Variants in TENM2 observed in about 807,000 individuals in gnomAD.
The protein encoded by TENM2 is teneurin-2.
A neutral mutation model predicts 245.2 loss-of-function variants in TENM2; 52 were observed. That is an observed-to-expected ratio of 0.21 (90% CI 0.17 to 0.27). The LOEUF is 0.27. TENM2 is among the 10% of genes least tolerant of loss of function. TENM2 has a pLI of 1.00. For missense variants in TENM2, 3,046 were observed against 3,666.8 expected (o/e 0.83, Z 4.37); for synonymous variants, 1,363 against 1,438.9 (o/e 0.95, Z 1.19).
chr5:167,166,894 G>C, the TENM2 span, among the ~76,000 whole-genome samples: 1 of 152,082 alleles, frequency 6.6e-6, no homozygotes, highest in Non-Finnish European at 1.5e-5. Context: ...ACCTTGGGTG[G>C]TCCTCATAGC....
At chr5:167,641,913 T>A (rs1779637723) in intron 2 of TENM2, among the ~76,000 whole-genome samples, 1 of 151,902 alleles carries the variant, frequency 6.6e-6, no homozygotes, top group South Asian at 2.1e-4. Context: ...GATGCCGAGG[T>A]GGGCGAATCA....
At chr5:167,934,321 G>T (rs945342256) in intron 3 of TENM2, among the ~76,000 whole-genome samples, 4 of 152,134 alleles carry the variant, frequency 2.6e-5, no homozygotes, top group Non-Finnish European at 5.9e-5. Context: ...GTAACAGGGT[G>T]GAACAAATGC....
chr5:167,458,871 C>T (rs1003535381), intron 2 of TENM2, among the ~76,000 whole-genome samples: 18 of 152,180 alleles, frequency 1.2e-4, no homozygotes, highest in Non-Finnish European at 1.8e-4. Flanking sequence ...GAGCCAGGAT[C>T]CAAAAGCAGG....
Position 167,421,744 on chromosome 5 carries a change from T to C in TENM2, c.502+46271T>C, listed in dbSNP as rs544159108. 1.1e-4 allele frequency among the ~76,000 whole-genome samples: 17 copies of C among 152,282 alleles called. 1 individual carries two copies. The highest frequency in any genetic ancestry group is 4.1e-4 in the African/African-American group (17 of 41,560). On this transcript the variant is annotated intron_variant, in intron 2 of 28. Transcript: ENST00000518659. ...AGATTCTTGTGAATATAACATGAGC[T>C]AGTATATACAAAATTCCTTATCACA... is the stretch of plus-strand genomic sequence containing the variant.
chr5:167,866,541 C>T (rs528591993), intron 2 of TENM2, among the ~76,000 whole-genome samples: 18 of 151,336 alleles, frequency 1.2e-4, no homozygotes, highest in African/African-American at 3.6e-4. Context: ...AGAGAGAGCA[C>T]CTTCCATGCA....
intron 5 of TENM2, among the ~76,000 whole-genome samples, chr5:168,046,952 A>G (rs921671243): frequency 1.3e-5 from 2 of 152,234 alleles, no homozygotes; most frequent in African/African-American, 4.8e-5. Flanking sequence ...AGGTACCAGC[A>G]AACAGGTACT....
the TENM2 span, among the ~76,000 whole-genome samples, chr5:167,142,025 G>C: frequency 2.2e-4 from 34 of 152,136 alleles, no homozygotes; most frequent in Non-Finnish European, 3.4e-4. Context: ...AAACTCGGAG[G>C]GGGGGGATGA....
the TENM2 span, among the ~76,000 whole-genome samples, chr5:167,026,520 T>G: frequency 1.1e-4 from 17 of 152,322 alleles, no homozygotes; most frequent in South Asian, 3.5e-3. Context: ...CCTCTCACAC[T>G]TCTGTCTCTA....
chr5:167,550,697 TTA>T (rs1245048188), intron 2 of TENM2, among the ~76,000 whole-genome samples: 1 of 119,740 alleles, frequency 8.4e-6, no homozygotes, highest in East Asian at 2.6e-4. Context: ...TTTGTTGTTG[TTA>T]GTGTGTGTGT....
intron 2 of TENM2, among the ~76,000 whole-genome samples, chr5:167,585,049 G>A (rs1190479845): frequency 2.6e-5 from 4 of 152,110 alleles, no homozygotes; most frequent in Non-Finnish European, 4.4e-5. Context: ...ACAATGTATG[G>A]ATTAAAAGAA....
intron 2 of TENM2, among the ~76,000 whole-genome samples, chr5:167,470,814 A>G (rs989554750): frequency 6.6e-6 from 1 of 152,136 alleles, no homozygotes; most frequent in Non-Finnish European, 1.5e-5. Flanking sequence ...GGATCCTGCA[A>G]TAGCATCCAG....
chr5:167,635,633 CTTTTTTTTTTTTTTTT>C (rs76155764), intron 2 of TENM2, among the ~76,000 whole-genome samples: 2 of 74,940 alleles, frequency 2.7e-5, no homozygotes, highest in South Asian at 1.4e-3. Context: ...TCAGTACAGT[CTTTTTTTTTTTTTTTT>C]TTTTTTTTTT....
At chr5:167,486,916 C>T (rs1025034405) in intron 2 of TENM2, among the ~76,000 whole-genome samples, 1 of 151,998 alleles carries the variant, frequency 6.6e-6, no homozygotes, top group African/African-American at 2.4e-5. Flanking sequence ...ATCAAGTGAG[C>T]AATTATGTTT....
At chr5:167,453,570 T>G (rs1158826552) in intron 2 of TENM2, among the ~76,000 whole-genome samples, 1 of 152,176 alleles carries the variant, frequency 6.6e-6, no homozygotes, top group Non-Finnish European at 1.5e-5. Context: ...TTGACTCAGT[T>G]TCTTCATTTT....
chr5:167,258,857 A>T, the TENM2 span, among the ~76,000 whole-genome samples: 1 of 152,162 alleles, frequency 6.6e-6, no homozygotes, highest in Non-Finnish European at 1.5e-5. Context: ...ATAATGCTAC[A>T]GTTCACAATG....
chr5:168,166,206 C>T (rs952079391), intron 13 of TENM2, among the ~76,000 whole-genome samples: 4 of 151,982 alleles, frequency 2.6e-5, no homozygotes, highest in Non-Finnish European at 4.4e-5. Flanking sequence ...GAGAGGCACC[C>T]GGGCAGAACA....
chr5:168,030,169 T>TTTTTTTTTTTTTTC lies in TENM2; in HGVS notation c.1187-17245_1187-17244insCTTTTTTTTTTTTT, dbSNP rs1787002830. 1.1e-4 allele frequency among the ~76,000 whole-genome samples: 10 copies of TTTTTTTTTTTTTTC among 93,008 alleles called. No homozygotes were observed. The South Asian group carries it at 2.8e-3, about 26-fold the overall frequency. The allele number at this position is 93,008 out of a possible 152,430, so 61.0% of individuals were successfully genotyped here. A position where few individuals can be genotyped will look rare whatever the true frequency, so the allele number is the denominator to read the frequency against. On this transcript the variant is annotated intron_variant, in intron 5 of 28. Transcript: ENST00000518659. Reference sequence around the variant, plus strand: ...GTCTGGTTCTGGCTCTTTTTTTTTTTTTTTTTTTTTTTTTTTTTCATCTTT... The same window carrying TTTTTTTTTTTTTTC: ...GTCTGGTTCTGGCTCTTTTTTTTTTTTTTTTTTTTTTTTCTTTTTTTTTTTTTTTTTTCATCTTT...
chr5:168,134,364 C>G (rs961143694), intron 12 of TENM2, among the ~76,000 whole-genome samples: 1 of 152,110 alleles, frequency 6.6e-6, no homozygotes, highest in African/African-American at 2.4e-5. Context: ...AAGCTGTTAT[C>G]ATCATCACCA....
At chr5:167,761,357 A>C (rs1356746126) in intron 2 of TENM2, among the ~76,000 whole-genome samples, 1 of 152,144 alleles carries the variant, frequency 6.6e-6, no homozygotes, top group Non-Finnish European at 1.5e-5. Flanking sequence ...GATCTACCCC[A>C]TCAACCCAGA....
Sources: gnomAD v4.1 joint callset for allele counts (sites outside exome capture counted in the v4.1 genomes callset) on GRCh38, gnomAD v4.1.1 for gene constraint, MANE v1.5 for transcripts, NCBI Gene and HGNC (gene_info 2026-07-23, HGNC 2026-07-21) for gene names.